Variants in TRERF1 observed in about 807,000 individuals in gnomAD.
The protein encoded by TRERF1 is transcriptional-regulating factor 1.
Under a neutral mutation model 122.9 loss-of-function variants are expected in TRERF1, and 27 were observed. The ratio of observed to expected loss-of-function variants is 0.22; its 90% confidence interval spans 0.16 to 0.30. The LOEUF (loss-of-function observed/expected upper bound fraction) is 0.30. Ranked by LOEUF, TRERF1 falls within the 10% of genes least tolerant of loss-of-function variation. The probability of loss-of-function intolerance (pLI) is 1.00; values close to 1 mark genes in which losing one functional copy is unlikely to be tolerated. For synonymous variants in TRERF1, 636 were observed against 641.7 expected, an observed-to-expected ratio of 0.99 and a Z score of 0.13; for missense variants, 1,248 against 1,560.3, an observed-to-expected ratio of 0.80 and a Z score of 3.37.
At chr6:42,283,611 C>CTTTTTTTT (rs869206003) in intron 4 of TRERF1, among the ~76,000 whole-genome samples, 6 of 107,998 alleles carry the variant, frequency 5.6e-5, no homozygotes, top group Admixed American at 9.8e-5. Flanking sequence ...ATGAAAAAAA[C>CTTTTTTTT]TTTTTTTTTT....
At chr6:42,387,054 G>A (rs751878159) in intron 2 of TRERF1, among the ~76,000 whole-genome samples, 5 of 152,032 alleles carry the variant, frequency 3.3e-5, no homozygotes, top group South Asian at 2.1e-4. Context: ...AAACCACCCC[G>A]ACTTGAGAAC....
At chr6:42,417,701 C>T (rs1038821623) in intron 2 of TRERF1, among the ~76,000 whole-genome samples, 1 of 152,164 alleles carries the variant, frequency 6.6e-6, no homozygotes. Context: ...ACACATGGGC[C>T]CTGGAGCCCC....
chr6:42,226,818 G>A lies in TRERF1; in HGVS notation c.*1527C>T, dbSNP rs564726765. ...AATGTTGTCAGCAAAGTGGCCCAGC[G>A]TGATAGGCACACCTACGTGGAGCTG... On this transcript the variant is annotated 3_prime_UTR_variant, in exon 18 of 18. Transcript: ENST00000372922. 7.2e-5 allele frequency: 11 copies of A among 152,280 alleles called. No individual in the cohort carries two copies. In the South Asian group the frequency reaches 8.3e-4, roughly 11 times the overall value. The allele number at this position is 152,280 out of a possible 1,614,324, so 9.4% of individuals were successfully genotyped here.
At chr6:42,319,527 T>TA (rs1304866452) in intron 3 of TRERF1, among the ~76,000 whole-genome samples, 1 of 152,122 alleles carries the variant, frequency 6.6e-6, no homozygotes, top group Non-Finnish European at 1.5e-5. Flanking sequence ...ATTTGATTGT[T>TA]AAAAAAAGTA....
At position 42,259,798 on chromosome 6, in the gene TRERF1, G is replaced by T; in HGVS notation, c.1885-75C>A. The T allele has an allele frequency of 6.3e-7, 1 of 1,584,200 alleles. No individual in the cohort carries two copies. On this transcript the variant is annotated intron_variant, in intron 8 of 17. Transcript: ENST00000372922. The surrounding 1 kb of genome is among the most constrained non-coding windows in gnomAD (Gnocchi z 4.9). ...GCCATTTCCACAGGTTCAGGGAAGG[G>T]GGCCTTCTACTGTCTAAGCAGAGAG...
chr6:42,319,376 T>C lies in TRERF1; in HGVS notation c.-370-18627A>G, dbSNP rs1454506968. ...AGGCATGTAGATCCCTAAATTACCT[T>C]GTAGAGGAAAGCCAGTTACAACCAG... On this transcript the variant is annotated intron_variant, in intron 3 of 17. Transcript: ENST00000372922. Among the ~76,000 whole-genome samples the C allele has an allele frequency of 2.0e-5, 3 of 152,298 alleles. No individual in the cohort carries two copies. The East Asian group carries it at 5.8e-4, about 29-fold the overall frequency.
chr6:42,436,527 C>T lies in TRERF1; in HGVS notation c.-454+14650G>A, dbSNP rs542305670. 6.6e-5 allele frequency among the ~76,000 whole-genome samples: 10 copies of T among 151,734 alleles called. 1 individual carries two copies. The South Asian group carries it at 1.9e-3, about 28-fold the overall frequency. ...AACTTACTATCTGCTAGGCACAGCC[C>T]CAGATGTTTTACATGTATTGTCTCA... On this transcript the variant is annotated intron_variant, in intron 2 of 17. Coordinates refer to ENST00000372922, the Ensembl canonical transcript of TRERF1.
At chr6:42,230,352 A>G (rs576899304) in intron 17 of TRERF1, among the ~76,000 whole-genome samples, 94 of 151,316 alleles carry the variant, frequency 6.2e-4, no homozygotes, top group African/African-American at 2.0e-3. Context: ...CAAGCAACGT[A>G]AGACTCCAAA....
At chr6:42,306,082 A>G (rs1458509473) in intron 3 of TRERF1, among the ~76,000 whole-genome samples, 2 of 137,702 alleles carry the variant, frequency 1.5e-5, no homozygotes, top group Admixed American at 8.7e-5. Flanking sequence ...GCTCACTGCA[A>G]CCTCTGTCTC....
intron 3 of TRERF1, among the ~76,000 whole-genome samples, chr6:42,335,768 C>A (rs765472567): frequency 1.2e-4 from 18 of 152,250 alleles, no homozygotes; most frequent in Non-Finnish European, 1.8e-4. Flanking sequence ...GGGGCACATT[C>A]TCTGACTCCC....
At position 42,290,741 on chromosome 6, in the gene TRERF1, C is replaced by CTTTT. The variant is rs144168592; in HGVS notation, c.-259+9893_-259+9896dup. 4.6e-3 allele frequency among the ~76,000 whole-genome samples: 425 copies of CTTTT among 92,402 alleles called. 18 individuals are homozygous for CTTTT. Among genetic ancestry groups the CTTTT allele is most frequent in the African/African-American group, 0.018 (386 of 22,040 alleles). The allele number at this position is 92,402 out of a possible 152,430, so 60.6% of individuals were successfully genotyped here. On this transcript the variant is annotated intron_variant, in intron 4 of 17. Transcript: ENST00000372922. ...ATTTATCCTTTTTTCCATTTCTTTC[C>CTTTT]TTTTTTTTTTTTTTTTTTTTTTTGA...
rs1489410780 is a variant in TRERF1, at chr6:42,293,680, C to CA, written c.-259+6957dup. ...ATTATCTCCCTCTTCACGGGACAGT[C>CA]ACAGGAAATCTAAACATTTTCAGAT... On this transcript the variant is annotated intron_variant, in intron 4 of 17. Coordinates refer to ENST00000372922, the Ensembl canonical transcript of TRERF1. Among the ~76,000 whole-genome samples the CA allele has an allele frequency of 3.9e-5, 6 of 151,924 alleles. No homozygotes were observed. In the East Asian group the frequency reaches 1.2e-3, roughly 29 times the overall value.
chr6:42,417,844 G>C (rs1782067485), intron 2 of TRERF1, among the ~76,000 whole-genome samples: 1 of 152,210 alleles, frequency 6.6e-6, no homozygotes, highest in East Asian at 1.9e-4. Flanking sequence ...CAAAGAAATG[G>C]CTAGCTGCGC....
chr6:42,247,220 T>C (rs1346213525), intron 13 of TRERF1, among the ~76,000 whole-genome samples: 1 of 152,064 alleles, frequency 6.6e-6, no homozygotes, highest in Admixed American at 6.5e-5. Context: ...GATGGAAGAG[T>C]ATTCTGGTGA....
chr6:42,259,650 T>G lies in TRERF1; in HGVS notation c.1958A>C (p.Lys653Thr). The G allele has an allele frequency of 6.2e-7, 1 of 1,612,348 alleles. No homozygotes were observed. Among genetic ancestry groups the G allele is most frequent in the East Asian group, 2.2e-5 (1 of 44,860 alleles). ...GAGAGGTTCCGGCCGGTGCCGGAAC[T>G]TTTTCTTCTCCTGCACGGTCTTGAG... The change falls in exon 9 of 18, where the codon AAG becomes ACG. Residue 653 changes from lysine (K) to threonine (T), a missense_variant. Lys to Thr is a moderately conservative substitution (Grantham distance 78, BLOSUM62 -1). This residue lies in a region of TRERF1 where 946 missense variants were observed against 1,073.0 expected (regional missense o/e 0.88). Transcript: ENST00000372922. This position sits in a 1 kb window ranked among gnomAD's most constrained non-coding sequence, Gnocchi z 4.9.
intron 2 of TRERF1, among the ~76,000 whole-genome samples, chr6:42,403,928 G>A (rs1033151899): frequency 2.0e-5 from 3 of 151,138 alleles, no homozygotes; most frequent in African/African-American, 7.4e-5. Flanking sequence ...GAAATTCCAT[G>A]AGACCCCCCC....
chr6:42,236,888 T>C (rs1197497633), intron 15 of TRERF1, among the ~76,000 whole-genome samples: 1 of 152,176 alleles, frequency 6.6e-6, no homozygotes, highest in Non-Finnish European at 1.5e-5. Flanking sequence ...AGAGGCTTTA[T>C]AACACACCAT....
intron 2 of TRERF1, among the ~76,000 whole-genome samples, chr6:42,418,266 C>CTTTCT (rs1554211463): frequency 0.16 from 5,740 of 36,942 alleles, 706 homozygotes; most frequent in African/African-American, 0.27. Context: ...TTCTTTCTTT[C>CTTTCT]TTTTTTTTTT....
intron 3 of TRERF1, among the ~76,000 whole-genome samples, chr6:42,344,060 C>T (rs890389218): frequency 2.4e-4 from 37 of 152,344 alleles, no homozygotes; most frequent in African/African-American, 8.7e-4. Flanking sequence ...TGGAGGCCAA[C>T]GCTTCCTGGG....
Sources: allele counts gnomAD v4.1 joint callset (sites outside exome capture counted in the v4.1 genomes callset), GRCh38; gene constraint gnomAD v4.1.1; regional missense constraint gnomAD v4.1.1; non-coding constraint Gnocchi (gnomAD v3.1); transcripts MANE v1.5; gene names NCBI Gene and HGNC (gene_info 2026-07-23, HGNC 2026-07-21).